The following PTCHD4 variants were observed in gnomAD, a reference collection of about 807,000 sequenced individuals.
PTCHD4 encodes patched domain-containing protein 4.
Under a neutral mutation model 58.1 loss-of-function variants are expected in PTCHD4, and 33 were observed. The observed-to-expected ratio is 0.57, with a 90% CI of 0.43 to 0.76. The LOEUF (loss-of-function observed/expected upper bound fraction) is 0.76. Ranked by LOEUF, PTCHD4 falls within the 30% of genes least tolerant of loss-of-function variation. The probability of loss-of-function intolerance (pLI) is 0.00; values close to 1 mark genes in which losing one functional copy is unlikely to be tolerated. For missense variants in PTCHD4, 1,058 were observed against 1,027.1 expected (o/e 1.03, Z -0.41); for synonymous variants, 478 against 409.6 (o/e 1.17, Z -2.02).
chr6:48,089,286 T>G (rs1188691324), intron 1 of PTCHD4, among the ~76,000 whole-genome samples: 2 of 152,202 alleles, frequency 1.3e-5, no homozygotes, highest in Non-Finnish European at 2.9e-5. Flanking sequence ...TTTAATACTT[T>G]CCATAATATT....
At chr6:48,019,722 C>T (rs557449879) in intron 3 of PTCHD4, among the ~76,000 whole-genome samples, 24 of 145,026 alleles carry the variant, frequency 1.7e-4, no homozygotes, top group South Asian at 6.7e-4. Flanking sequence ...GGTGGCAGAG[C>T]GAGACTCCGT....
chr6:47,872,817 A>G lies in PTCHD4; in HGVS notation c.*5486T>C, dbSNP rs1763752264. On this transcript the variant is annotated 3_prime_UTR_variant, in exon 5 of 5. Transcript: ENST00000339488. The stretch of plus-strand genomic sequence containing the variant: ...AGAAGACATAAAATGTGATTTGTAG[A>G]CTAGGAAGTTATACTATAAATATAT... Among the ~76,000 whole-genome samples, 1 of 151,642 alleles carries G rather than the reference A, an allele frequency of 6.6e-6. No individual in the cohort carries two copies. Among genetic ancestry groups the G allele is most frequent in the Non-Finnish European group, 1.5e-5 (1 of 67,736 alleles).
chr6:47,859,656 C>G lies in PTCHD4; in HGVS notation c.*18647G>C, dbSNP rs1763375454. On this transcript the variant is annotated 3_prime_UTR_variant, in exon 5 of 5. Coordinates refer to ENST00000339488, the MANE Select transcript of PTCHD4 (RefSeq NM_001384253.1). ...CAGAGCAGAAAAATATCTCTGCCCC[C>G]TTAGAGCTTTCAATTTACTGGGGAC... is the stretch of plus-strand genomic sequence containing the variant. 6.6e-6 allele frequency among the ~76,000 whole-genome samples: 1 copy of G among 151,958 alleles called. No individual in the cohort carries two copies. Among genetic ancestry groups the G allele is most frequent in the South Asian group, 2.1e-4 (1 of 4,826 alleles).
At chr6:47,891,544 G>T (rs998256853) in intron 4 of PTCHD4, among the ~76,000 whole-genome samples, 2 of 152,116 alleles carry the variant, frequency 1.3e-5, no homozygotes, top group Admixed American at 6.6e-5. Flanking sequence ...ACCAATCACG[G>T]CTTACCCTTA....
intron 1 of PTCHD4, among the ~76,000 whole-genome samples, chr6:48,098,390 G>A (rs1310731774): frequency 7.4e-6 from 1 of 135,776 alleles, no homozygotes; most frequent in African/African-American, 2.7e-5. Context: ...CTAGGCTGGA[G>A]TGCAGTGGCA....
At chr6:47,990,807 G>A (rs184972453) in intron 4 of PTCHD4, among the ~76,000 whole-genome samples, 3 of 152,132 alleles carry the variant, frequency 2.0e-5, no homozygotes, top group Admixed American at 1.3e-4. Context: ...TATAGACATA[G>A]GCAACTCCAA....
chr6:48,056,041 C>T (rs1353415641), intron 3 of PTCHD4, among the ~76,000 whole-genome samples: 4 of 152,216 alleles, frequency 2.6e-5, no homozygotes, highest in Non-Finnish European at 5.9e-5. Context: ...TTGAATTAAA[C>T]AGATTCAGGC....
chr6:47,965,402 T>A (rs181597358), intron 4 of PTCHD4, among the ~76,000 whole-genome samples: 20 of 152,312 alleles, frequency 1.3e-4, no homozygotes, highest in African/African-American at 4.8e-4. Context: ...TAAAAGATCT[T>A]GAGAAACATT....
intron 4 of PTCHD4, among the ~76,000 whole-genome samples, chr6:47,895,322 G>A (rs1374345081): frequency 6.6e-6 from 1 of 151,984 alleles, no homozygotes; most frequent in Non-Finnish European, 1.5e-5. Context: ...TTTTTCAGTA[G>A]TTACAGAACA....
At chr6:47,909,837 CT>C (rs1361982863) in intron 4 of PTCHD4, among the ~76,000 whole-genome samples, 1 of 151,932 alleles carries the variant, frequency 6.6e-6, no homozygotes, top group Non-Finnish European at 1.5e-5. Flanking sequence ...TCCTTCTCTT[CT>C]AATTAATGAC....
chr6:47,911,902 G>A (rs1323842738), intron 4 of PTCHD4, among the ~76,000 whole-genome samples: 1 of 152,092 alleles, frequency 6.6e-6, no homozygotes, highest in African/African-American at 2.4e-5. Context: ...AAACCTTGGA[G>A]CAATTCAATA....
chr6:47,933,147 T>C (rs1191047136), intron 4 of PTCHD4, among the ~76,000 whole-genome samples: 3 of 152,204 alleles, frequency 2.0e-5, no homozygotes, highest in Non-Finnish European at 4.4e-5. Flanking sequence ...AGGAACCATA[T>C]GCTCTGATAA....
intron 3 of PTCHD4, among the ~76,000 whole-genome samples, chr6:48,040,699 C>A (rs971897276): frequency 2.0e-5 from 3 of 152,028 alleles, no homozygotes. Flanking sequence ...TGTTTTAATG[C>A]CTCAACAATT....
intron 3 of PTCHD4, among the ~76,000 whole-genome samples, chr6:48,044,526 G>C (rs1321807861): frequency 1.3e-5 from 2 of 151,810 alleles, no homozygotes; most frequent in African/African-American, 2.4e-5. Flanking sequence ...AATAATGATT[G>C]AGTGACACTG....
intron 4 of PTCHD4, among the ~76,000 whole-genome samples, chr6:47,904,840 A>G (rs1350731528): frequency 6.6e-6 from 1 of 152,178 alleles, no homozygotes; most frequent in East Asian, 1.9e-4. Flanking sequence ...AAAAGCTCTA[A>G]ATGCTATGAA....
intron 4 of PTCHD4, among the ~76,000 whole-genome samples, chr6:47,988,155 G>C (rs1302335298): frequency 6.6e-6 from 1 of 152,152 alleles, no homozygotes; most frequent in Non-Finnish European, 1.5e-5. Context: ...AAAAAAATAA[G>C]ACATTGTATT....
rs530524151 is a variant in PTCHD4, at chr6:47,864,940, G to A, written c.*13363C>T. On this transcript the variant is annotated 3_prime_UTR_variant, in exon 5 of 5. Transcript: ENST00000339488. ...ACTACATCTTTATGGTAGAATAAAA[G>A]CATGTGCCTTATACATAACTTTCAT... is the stretch of plus-strand genomic sequence containing the variant. 7.2e-5 allele frequency among the ~76,000 whole-genome samples: 10 copies of A among 139,648 alleles called. No individual in the cohort carries two copies. The highest frequency in any genetic ancestry group is 2.6e-4 in the African/African-American group (10 of 38,584). 91.6% of individuals were successfully genotyped at this position (139,648 alleles called of 152,430 possible). A position where few individuals can be genotyped will look rare whatever the true frequency, so the allele number is the denominator to read the frequency against.
intron 1 of PTCHD4, among the ~76,000 whole-genome samples, chr6:48,081,049 T>C (rs1462932498): frequency 1.3e-5 from 2 of 152,084 alleles, no homozygotes; most frequent in Admixed American, 1.3e-4. Context: ...AGTACAAAAA[T>C]ATAAAGAGGC....
intron 4 of PTCHD4, among the ~76,000 whole-genome samples, chr6:47,945,379 T>C (rs917948390): frequency 6.6e-6 from 1 of 152,040 alleles, no homozygotes; most frequent in Non-Finnish European, 1.5e-5. Flanking sequence ...AACTAACACC[T>C]GTGTACACCT....
Sources: allele counts gnomAD v4.1 joint callset (sites outside exome capture counted in the v4.1 genomes callset), GRCh38; gene constraint gnomAD v4.1.1; transcripts MANE v1.5; gene names NCBI Gene and HGNC (gene_info 2026-07-23, HGNC 2026-07-21).